The following MYO1E variants were observed in gnomAD, a reference collection of about 807,000 sequenced individuals.
MYO1E encodes myosin IE.
A neutral mutation model predicts 151.1 loss-of-function variants in MYO1E; 68 were observed. The observed-to-expected ratio is 0.45, with a 90% CI of 0.37 to 0.55. The LOEUF is 0.55. MYO1E is among the 20% of genes least tolerant of loss of function. The probability of loss-of-function intolerance (pLI) is 0.00; values close to 1 mark genes in which losing one functional copy is unlikely to be tolerated. For synonymous variants in MYO1E, 601 were observed against 501.7 expected (o/e 1.20, Z -2.64); for missense variants, 1,363 against 1,389.3 (o/e 0.98, Z 0.30).
intron 17 of MYO1E, 30 bp from the exon 18 acceptor site, chr15:59,188,246 A>G (rs749039104): frequency 6.4e-7 from 1 of 1,551,374 alleles, no homozygotes; most frequent in South Asian, 1.1e-5. Flanking sequence ...GGGCCTGGAC[A>G]TTACTGGATA....
At chr15:59,312,427 G>A (rs1183995861) in intron 1 of MYO1E, among the ~76,000 whole-genome samples, 1 of 152,114 alleles carries the variant, frequency 6.6e-6, no homozygotes, top group Non-Finnish European at 1.5e-5. Context: ...GACTTTCCAG[G>A]GACAACACAA....
intron 23 of MYO1E, 109 bp from the exon 24 acceptor site, chr15:59,161,339 GAACGGACA>G: frequency 8.0e-7 from 1 of 1,249,026 alleles, no homozygotes; most frequent in Non-Finnish European, 1.1e-6. Flanking sequence ...CATGAGGCGA[GAACGGACA>G]ATCTACACCA....
chr15:59,370,049 A>G (rs576970503), intron 1 of MYO1E, among the ~76,000 whole-genome samples: 1 of 152,222 alleles, frequency 6.6e-6, no homozygotes, highest in African/African-American at 2.4e-5. Context: ...GGGCTCAAGT[A>G]TTCCTCCTGC....
intron 1 of MYO1E, among the ~76,000 whole-genome samples, chr15:59,320,504 T>C (rs568690482): frequency 6.6e-6 from 1 of 152,206 alleles, no homozygotes; most frequent in African/African-American, 2.4e-5. Flanking sequence ...CTCTGTTCTG[T>C]TCAACAGAGA....
chr15:59,255,935 A>G (rs1566993508), intron 4 of MYO1E, among the ~76,000 whole-genome samples: 4 of 152,194 alleles, frequency 2.6e-5, no homozygotes, highest in East Asian at 3.8e-4. Flanking sequence ...CCCAAATTCA[A>G]TGCAAATGAC....
intron 1 of MYO1E, among the ~76,000 whole-genome samples, chr15:59,319,550 C>CCT (rs2080611639): frequency 1.6e-5 from 1 of 63,680 alleles, no homozygotes; most frequent in Non-Finnish European, 3.6e-5. Flanking sequence ...GTCAAACTAC[C>CCT]TTTTTTTTTT....
intron 10 of MYO1E, among the ~76,000 whole-genome samples, chr15:59,216,701 C>T (rs1189172586): frequency 4.2e-4 from 26 of 62,520 alleles, no homozygotes; most frequent in Admixed American, 2.4e-3. Context: ...TACACACACA[C>T]ACACACACAC....
chr15:59,188,210 C>T lies in MYO1E; in HGVS notation c.1812G>A (p.Lys604=), dbSNP rs1566973886. Residue 604 remains lysine (K), a synonymous_variant, in exon 18 of 28, where the codon AAG becomes AAA. Coordinates refer to ENST00000288235, the MANE Select transcript of MYO1E (RefSeq NM_004998.4). The part of the protein sequence containing the change: ...KPRDWEESRV[K]HQVEYLGLKE... ...TCAGACCCAAATATTCGACTTGATG[C>T]TTTACCCTGTGCAAAGGAGAAAATG... 1.9e-6 allele frequency: 3 copies of T among 1,613,648 alleles called. No homozygotes were observed. The highest frequency in any genetic ancestry group is 2.5e-6 in the Non-Finnish European group (3 of 1,179,664).
intron 1 of MYO1E, among the ~76,000 whole-genome samples, chr15:59,311,355 G>A (rs149117016): frequency 3.4e-4 from 51 of 152,124 alleles, no homozygotes; most frequent in African/African-American, 1.1e-3. Flanking sequence ...AACAGGGTTC[G>A]GGCTCCTATG....
At chr15:59,233,661 T>TAAAAAAAA (rs11285934) in intron 5 of MYO1E, among the ~76,000 whole-genome samples, 2 of 78,376 alleles carry the variant, frequency 2.6e-5, no homozygotes, top group Non-Finnish European at 4.7e-5. Flanking sequence ...AGACTCCGTC[T>TAAAAAAAA]AAAAAAAAAA....
At position 59,188,113 on chromosome 15, in the gene MYO1E, A is replaced by G; in HGVS notation, c.1904+5T>C. ...TAAAAAAGGCCAGAGTCACTAGTTC[A>G]TTACCTCTGTAGGAATTTTTGGAAG... On this transcript the variant is annotated splice_donor_5th_base_variant and intron_variant, in intron 18 of 27. Transcript: ENST00000288235. 6.2e-7 allele frequency: 1 copy of G among 1,608,450 alleles called. No individual in the cohort carries two copies. The highest frequency in any genetic ancestry group is 8.5e-7 in the Non-Finnish European group (1 of 1,175,082).
intron 1 of MYO1E, among the ~76,000 whole-genome samples, chr15:59,332,929 T>G (rs1314065201): frequency 6.6e-6 from 1 of 152,154 alleles, no homozygotes; most frequent in Non-Finnish European, 1.5e-5. Flanking sequence ...TTTAATCAGG[T>G]GTTTCCTACT....
intron 2 of MYO1E, among the ~76,000 whole-genome samples, chr15:59,263,705 G>C (rs1369044991): frequency 5.3e-5 from 8 of 152,098 alleles, no homozygotes; most frequent in Non-Finnish European, 7.4e-5. Flanking sequence ...AAGATGAAGT[G>C]GTTTTAAGAC....
At chr15:59,270,968 C>G (rs947547861) in intron 2 of MYO1E, 1 of 152,104 alleles carries the variant, frequency 6.6e-6, no homozygotes, top group Admixed American at 6.5e-5. Flanking sequence ...TATAATGTAG[C>G]CAATAAATCC....
In MYO1E at chr15:59,214,667, T is replaced by TA. The variant is rs2079902366; in HGVS notation, c.1160dup (p.Asp388ArgfsTer6). ...GGAATATTTCAAAGCCATAGATGTC[T>TA]AGGACGCCAATGTTGTATTCTTCAT... On this transcript the variant is annotated frameshift_variant, in exon 11 of 28. Transcript: ENST00000288235. LOFTEE classifies it high-confidence loss of function. 1 of 1,613,690 alleles carries TA rather than the reference T, an allele frequency of 6.2e-7. No homozygotes were observed. The highest frequency in any genetic ancestry group is 1.3e-5 in the African/African-American group (1 of 74,936).
intron 9 of MYO1E, among the ~76,000 whole-genome samples, chr15:59,218,931 G>A (rs1481633177): frequency 6.6e-6 from 1 of 152,172 alleles, no homozygotes; most frequent in Non-Finnish European, 1.5e-5. Flanking sequence ...TGAAAGTTCA[G>A]GTCAGATTTA....
intron 12 of MYO1E, among the ~76,000 whole-genome samples, chr15:59,213,925 C>T (rs918492614): frequency 6.6e-6 from 1 of 152,200 alleles, no homozygotes; most frequent in African/African-American, 2.4e-5. Flanking sequence ...CACAGACAGT[C>T]GGGGCTGGAA....
At chr15:59,298,557 G>A (rs989389158) in intron 1 of MYO1E, among the ~76,000 whole-genome samples, 2 of 152,202 alleles carry the variant, frequency 1.3e-5, no homozygotes, top group Non-Finnish European at 2.9e-5. Context: ...GCTATGTGTG[G>A]GATGTTCACG....
intron 4 of MYO1E, among the ~76,000 whole-genome samples, chr15:59,251,791 T>A (rs1342715705): frequency 1.3e-5 from 2 of 152,234 alleles, no homozygotes; most frequent in African/African-American, 4.8e-5. Context: ...GCAAAACAAC[T>A]GAAATTGTAA....
Sources: gnomAD v4.1 joint callset for allele counts (sites outside exome capture counted in the v4.1 genomes callset) on GRCh38, gnomAD v4.1.1 for gene constraint, MANE v1.5 for transcripts, NCBI Gene and HGNC (gene_info 2026-07-23, HGNC 2026-07-21) for gene names.